Variants in DPYSL2 observed in about 807,000 individuals in gnomAD.
DPYSL2 encodes the protein dihydropyrimidinase-related protein 2.
A neutral mutation model predicts 69.9 loss-of-function variants in DPYSL2; 13 were observed. The ratio of observed to expected loss-of-function variants is 0.19; its 90% CI spans 0.12 to 0.30. The LOEUF is 0.30. Among genes scored for constraint, DPYSL2 ranks in the 10% least tolerant of loss-of-function variants. DPYSL2 has a pLI of 1.00. For synonymous variants in DPYSL2, 326 were observed against 359.1 expected (o/e 0.91, Z 1.04); for missense variants, 587 against 918.9 (o/e 0.64, Z 4.67).
intron 1 of DPYSL2, among the ~76,000 whole-genome samples, chr8:26,575,021 C>A (rs1280168384): frequency 6.6e-6 from 1 of 152,236 alleles, no homozygotes; most frequent in Non-Finnish European, 1.5e-5. Context: ...GCAACCTCCG[C>A]CTCCCGGATT....
At chr8:26,607,116 A>G (rs1040750577) in intron 3 of DPYSL2, among the ~76,000 whole-genome samples, 22 of 152,342 alleles carry the variant, frequency 1.4e-4, no homozygotes, top group Admixed American at 7.8e-4. Flanking sequence ...ACAGGAAATG[A>G]GCTGAATGAT....
At position 26,514,107 on chromosome 8, in the gene DPYSL2, CGGGGG is replaced by C. The variant is rs1264798152; in HGVS notation, c.-217_-213del. 2.6e-6 allele frequency: 1 copy of C among 391,198 alleles called. No homozygotes were observed. The allele number at this position is 391,198 out of a possible 1,614,324, so 24.2% of individuals were successfully genotyped here. ...CTTCCCCGAGCTCGCGCTGTAGCCG[CGGGGG>C]GCGTGGGCAGGGAGGGGAGAAGCGG... On this transcript the variant is annotated 5_prime_UTR_variant, in exon 1 of 14. Transcript: ENST00000521913. This position sits in a 1 kb window ranked among gnomAD's most constrained non-coding sequence, Gnocchi z 8.4.
rs1802617902 is a variant in DPYSL2, at chr8:26,626,526, C to T, written c.794-91C>T. On this transcript the variant is annotated intron_variant, in intron 4 of 13. Coordinates refer to ENST00000521913, the MANE Select transcript of DPYSL2 (RefSeq NM_001197293.3). This position sits in a 1 kb window ranked among gnomAD's most constrained non-coding sequence, Gnocchi z 4.3. The stretch of plus-strand genomic sequence containing the variant: ...ACACACACACACACACACACACGTA[C>T]ACACACAGACAGTATTATCACTTTC... 9.0e-7 allele frequency: 1 copy of T among 1,109,098 alleles called. No individual in the cohort carries two copies. Among genetic ancestry groups the T allele is most frequent in the Non-Finnish European group, 1.4e-6 (1 of 737,712 alleles). 68.7% of individuals were successfully genotyped at this position (1,109,098 alleles called of 1,614,324 possible). A position where few individuals can be genotyped will look rare whatever the true frequency, so the allele number is the denominator to read the frequency against.
intron 1 of DPYSL2, among the ~76,000 whole-genome samples, chr8:26,527,788 T>C (rs1478351916): frequency 1.3e-5 from 2 of 149,582 alleles, no homozygotes; most frequent in African/African-American, 4.9e-5. Context: ...GAATGTATGG[T>C]TCTTATTTGT....
rs932446532 is a variant in DPYSL2, at chr8:26,653,513, T to C, written c.1942+116T>C. The C allele has an allele frequency of 1.1e-5, 12 of 1,123,984 alleles. No homozygotes were observed. Among genetic ancestry groups the C allele is most frequent in the Non-Finnish European group, 1.5e-5 (12 of 786,390 alleles). The allele number at this position is 1,123,984 out of a possible 1,614,324, so 69.6% of individuals were successfully genotyped here. Reference sequence around the variant, plus strand: ...ATAGAAGTGAATGATATTCCCTTTCTCTCCAACGTGAGAAATACAGTGGAC... The same window carrying C: ...ATAGAAGTGAATGATATTCCCTTTCCCTCCAACGTGAGAAATACAGTGGAC... On this transcript the variant is annotated intron_variant, in intron 13 of 13. Transcript: ENST00000521913. The surrounding 1 kb of genome is among the most constrained non-coding windows in gnomAD (Gnocchi z 5.7).
At chr8:26,556,657 A>G (rs767063194) in intron 1 of DPYSL2, among the ~76,000 whole-genome samples, 7 of 151,974 alleles carry the variant, frequency 4.6e-5, no homozygotes, top group Non-Finnish European at 1.0e-4. Context: ...TCATAGATAG[A>G]TGGATTGTCA....
At chr8:26,649,865 A>G (rs1487464614) in intron 11 of DPYSL2, among the ~76,000 whole-genome samples, 1 of 152,184 alleles carries the variant, frequency 6.6e-6, no homozygotes, top group Non-Finnish European at 1.5e-5. Context: ...GGCTCTGAGT[A>G]TCTGGGAATT....
chr8:26,577,752 T>G, intron 1 of DPYSL2: 1 of 961,838 alleles, frequency 1.0e-6, no homozygotes, highest in South Asian at 4.8e-5. Context: ...TCGCGCCGCC[T>G]GCCGCCCCCG....
At position 26,588,668 on chromosome 8, in the gene DPYSL2, G is replaced by A. The variant is rs1015433365; in HGVS notation, c.628+4685G>A. Among the ~76,000 whole-genome samples, 1 of 152,148 alleles carries A rather than the reference G, an allele frequency of 6.6e-6. No individual in the cohort carries two copies. The highest frequency in any genetic ancestry group is 2.4e-5 in the African/African-American group (1 of 41,424). ...AGGTGCTGCTGCCGCAGGGCTGGAA[G>A]GGGCCCTCCCTCCTGAGTACCAGCC... On this transcript the variant is annotated intron_variant, in intron 3 of 13. Coordinates refer to ENST00000521913, the MANE Select transcript of DPYSL2 (RefSeq NM_001197293.3). This position sits in a 1 kb window ranked among gnomAD's most constrained non-coding sequence, Gnocchi z 5.4.
At chr8:26,556,221 G>C (rs1170525152) in intron 1 of DPYSL2, among the ~76,000 whole-genome samples, 4 of 6,162 alleles carry the variant, frequency 6.5e-4, no homozygotes, top group African/African-American at 9.4e-4. Flanking sequence ...ACTATATATA[G>C]TATATATAGT....
intron 11 of DPYSL2, among the ~76,000 whole-genome samples, chr8:26,651,556 G>A (rs1054296702): frequency 1.3e-5 from 2 of 152,196 alleles, no homozygotes; most frequent in Non-Finnish European, 2.9e-5. Context: ...AGGATGGAAT[G>A]ACTCCTGTGC....
At position 26,564,192 on chromosome 8, in the gene DPYSL2, G is replaced by A. The variant is rs1212264046; in HGVS notation, c.355-17777G>A. ...TTAGCTTCCAATTAGCATGCTGTTT[G>A]CCCAAGCTTTTCTAATGGAGTCAGG... On this transcript the variant is annotated intron_variant, in intron 1 of 13. Coordinates refer to ENST00000521913, the MANE Select transcript of DPYSL2 (RefSeq NM_001197293.3). This position sits in a 1 kb window ranked among gnomAD's most constrained non-coding sequence, Gnocchi z 4.8. Among the ~76,000 whole-genome samples the A allele has an allele frequency of 6.6e-6, 1 of 152,208 alleles. No individual in the cohort carries two copies. Among genetic ancestry groups the A allele is most frequent in the African/African-American group, 2.4e-5 (1 of 41,450 alleles).
intron 1 of DPYSL2, among the ~76,000 whole-genome samples, chr8:26,556,070 TACTATATATAGTATATACTATATAA>T (rs1800944985): frequency 3.5e-5 from 3 of 85,094 alleles, no homozygotes; most frequent in African/African-American, 1.4e-4. Flanking sequence ...ATTATGTATA[TACTATATATAGTATATACTATATAA>T]ATTATATATA....
intron 1 of DPYSL2, among the ~76,000 whole-genome samples, chr8:26,537,436 A>C (rs1386795278): frequency 6.6e-6 from 1 of 152,194 alleles, no homozygotes; most frequent in Admixed American, 6.5e-5. Context: ...TATTTATCCA[A>C]TATTGTGTAG....
In DPYSL2 at chr8:26,582,771, C is replaced by A. The variant is rs1759313658; in HGVS notation, c.443+714C>A. On this transcript the variant is annotated intron_variant, in intron 2 of 13. Coordinates refer to ENST00000521913, the MANE Select transcript of DPYSL2 (RefSeq NM_001197293.3). This position sits in a 1 kb window ranked among gnomAD's most constrained non-coding sequence, Gnocchi z 4.1. ...GAGAAATAGCACATCTGTTTGAAGA[C>A]AAACACTGCAGCCAGTGACAGCTTT... Among the ~76,000 whole-genome samples the A allele has an allele frequency of 6.6e-6, 1 of 152,188 alleles. No homozygotes were observed. Among genetic ancestry groups the A allele is most frequent in the South Asian group, 2.1e-4 (1 of 4,834 alleles).
chr8:26,612,083 A>G (rs997981035), intron 3 of DPYSL2, among the ~76,000 whole-genome samples: 1 of 152,244 alleles, frequency 6.6e-6, no homozygotes, highest in African/African-American at 2.4e-5. Flanking sequence ...CTGATCTCTC[A>G]TGTAGGACTC....
Position 26,583,950 on chromosome 8 carries a change from A to G in DPYSL2, c.595A>G (p.Lys199Glu). 6.2e-7 allele frequency: 1 copy of G among 1,614,154 alleles called. No individual in the cohort carries two copies. The highest frequency in any genetic ancestry group is 1.7e-5 in the Admixed American group (1 of 60,018). The change falls in exon 3 of 14, where the codon AAG (lysine) becomes GAG (glutamate). Residue 199 changes from lysine to glutamate, a missense_variant. Around this residue, in one of 3 missense-constraint regions of DPYSL2, gnomAD observed 452 missense variants for 754.3 expected, o/e 0.60. Coordinates refer to ENST00000521913, the MANE Select transcript of DPYSL2 (RefSeq NM_001197293.3). ...TGCTGATGATTTCTTCCAAGGAACC[A>G]AGGCGGCCCTGGCTGGGGGAACCAC... ...TSADDFFQGT[K>E]AALAGGTTMI... is the part of the protein sequence containing the mutation.
chr8:26,576,343 G>A (rs1329987737), intron 1 of DPYSL2, among the ~76,000 whole-genome samples: 1 of 152,162 alleles, frequency 6.6e-6, no homozygotes, highest in African/African-American at 2.4e-5. Context: ...CTGAGCAGGT[G>A]TGAGCCAATT....
At chr8:26,572,896 G>C (rs958911114) in intron 1 of DPYSL2, among the ~76,000 whole-genome samples, 1 of 152,216 alleles carries the variant, frequency 6.6e-6, no homozygotes, top group Non-Finnish European at 1.5e-5. Context: ...TGTCGGTGAG[G>C]ATTGTATTGT....
Sources: gnomAD v4.1 joint callset for allele counts (sites outside exome capture counted in the v4.1 genomes callset) on GRCh38, gnomAD v4.1.1 for gene constraint, gnomAD v4.1.1 regional missense constraint, Gnocchi (gnomAD v3.1) non-coding constraint, MANE v1.5 for transcripts, NCBI Gene and HGNC (gene_info 2026-07-23, HGNC 2026-07-21) for gene names.